The following PTPRN2 variants were observed in gnomAD, a reference collection of about 807,000 sequenced individuals.
The protein encoded by PTPRN2 is receptor-type tyrosine-protein phosphatase N2.
In PTPRN2, 74 loss-of-function variants were observed where a neutral mutation model predicts 118.8. That is an observed-to-expected ratio of 0.62 (90% CI 0.52 to 0.76). The LOEUF (loss-of-function observed/expected upper bound fraction) is 0.76. Among genes scored for constraint, PTPRN2 ranks in the 30% least tolerant of loss-of-function variants. The pLI is 0.00. For missense variants in PTPRN2, 1,481 were observed against 1,394.4 expected (o/e 1.06, Z -0.99); for synonymous variants, 641 against 608.0 (o/e 1.05, Z -0.80).
intron 11 of PTPRN2, among the ~76,000 whole-genome samples, chr7:157,917,505 G>GCATGTAATTATTACAGC (rs1798476218): frequency 6.6e-6 from 1 of 152,222 alleles, no homozygotes; most frequent in Non-Finnish European, 1.5e-5. Flanking sequence ...AGGGAGCATG[G>GCATGTAATTATTACAGC]CTGCGCAGTA....
intron 2 of PTPRN2, among the ~76,000 whole-genome samples, chr7:158,416,872 C>A (rs967090821): frequency 1.3e-5 from 2 of 152,200 alleles, no homozygotes; most frequent in African/African-American, 4.8e-5. Flanking sequence ...AGGCACTTCA[C>A]CACCACAAAA....
intron 2 of PTPRN2, among the ~76,000 whole-genome samples, chr7:158,446,858 C>T (rs1048708975): frequency 6.6e-6 from 1 of 152,216 alleles, no homozygotes; most frequent in Non-Finnish European, 1.5e-5. Flanking sequence ...GAACCCACCT[C>T]AAATCTGGCT....
At chr7:158,332,602 G>C (rs1417362719) in intron 2 of PTPRN2, among the ~76,000 whole-genome samples, 1 of 151,030 alleles carries the variant, frequency 6.6e-6, no homozygotes, top group Middle Eastern at 3.4e-3. Context: ...CTCACCATAA[G>C]AAGTGACACC....
intron 21 of PTPRN2, among the ~76,000 whole-genome samples, chr7:157,556,684 T>C (rs1329067706): frequency 7.3e-6 from 1 of 137,528 alleles, no homozygotes; most frequent in Non-Finnish European, 1.6e-5. Flanking sequence ...ACATGTCACA[T>C]ACACACATGC....
At chr7:158,367,916 C>A (rs1809661443) in intron 2 of PTPRN2, among the ~76,000 whole-genome samples, 1 of 152,174 alleles carries the variant, frequency 6.6e-6, no homozygotes, top group African/African-American at 2.4e-5. Context: ...GGGAATGGCT[C>A]ATCTGCTCCC....
chr7:158,563,392 T>C lies in PTPRN2; in HGVS notation c.112+24166A>G, dbSNP rs148500910. ...CAAAAGCATCACAAAATGCAAGTCT[T>C]ATTACTGCAGCAGTTTGCAAGTTGG... On this transcript the variant is annotated intron_variant, in intron 1 of 22. Transcript: ENST00000389418. This position sits in a 1 kb window ranked among gnomAD's most constrained non-coding sequence, Gnocchi z 5.1. Among the ~76,000 whole-genome samples, 18 of 152,306 alleles carry C rather than the reference T, an allele frequency of 1.2e-4. No homozygotes were observed. In the East Asian group the frequency reaches 3.3e-3, roughly 28 times the overall value.
chr7:158,080,302 C>A (rs1812696662), intron 11 of PTPRN2, among the ~76,000 whole-genome samples: 1 of 30,508 alleles, frequency 3.3e-5, no homozygotes, highest in Admixed American at 3.8e-4. Flanking sequence ...GAAAAAAAGA[C>A]ACAAATTTAA....
intron 2 of PTPRN2, among the ~76,000 whole-genome samples, chr7:158,377,311 T>C (rs564966404): frequency 6.6e-6 from 1 of 152,330 alleles, no homozygotes; most frequent in East Asian, 1.9e-4. Flanking sequence ...GATGCTCCTG[T>C]TTCATCATGA....
At position 158,097,646 on chromosome 7, in the gene PTPRN2, G is replaced by A. The variant is rs776698792; in HGVS notation, c.1643+13183C>T. Among the ~76,000 whole-genome samples, 17 of 152,262 alleles carry A rather than the reference G, an allele frequency of 1.1e-4. 1 individual carries two copies. The highest frequency in any genetic ancestry group is 8.3e-4 in the South Asian group (4 of 4,824). On this transcript the variant is annotated intron_variant, in intron 10 of 22. Transcript: ENST00000389418. ...GCACTGCCCACCTCCCCGAGATTCC[G>A]CGGAAGGCGGCCTGGCATCGATCAC...
At chr7:157,750,690 A>G (rs1801409119) in intron 12 of PTPRN2, among the ~76,000 whole-genome samples, 1 of 152,238 alleles carries the variant, frequency 6.6e-6, no homozygotes, top group Non-Finnish European at 1.5e-5. Flanking sequence ...TGAGGCTTTC[A>G]GTTGTCCTCT....
Position 158,135,376 on chromosome 7 carries a change from C to T in PTPRN2, c.1173+1279G>A, listed in dbSNP as rs111299880. On this transcript the variant is annotated intron_variant, in intron 8 of 22. Transcript: ENST00000389418. ...AATGACAATAGGATGTAGCCGTTGA[C>T]GTTACTAAACAGAGCTAGGAAAAAG... Among the ~76,000 whole-genome samples, 531 of 152,242 alleles carry T rather than the reference C, an allele frequency of 3.5e-3. 5 individuals carry two copies. The highest frequency in any genetic ancestry group is 0.012 in the African/African-American group (501 of 41,512).
At chr7:158,117,944 G>T (rs1426064119) in intron 9 of PTPRN2, among the ~76,000 whole-genome samples, 1 of 152,136 alleles carries the variant, frequency 6.6e-6, no homozygotes, top group African/African-American at 2.4e-5. Context: ...AGGATGAAAT[G>T]AAAGGACACT....
At chr7:157,553,505 T>C (rs1798736389) in intron 21 of PTPRN2, among the ~76,000 whole-genome samples, 1 of 152,186 alleles carries the variant, frequency 6.6e-6, no homozygotes, top group Non-Finnish European at 1.5e-5. Context: ...ATGTGATGGA[T>C]AAAGTCTCTC....
At chr7:158,475,307 C>T (rs13312003) in intron 2 of PTPRN2, among the ~76,000 whole-genome samples, 49,332 of 96,212 alleles carry the variant, frequency 0.51, 8,501 homozygotes, top group Middle Eastern at 0.57. Context: ...CTCCCCAGCT[C>T]CCCCTGTCTG....
intron 12 of PTPRN2, among the ~76,000 whole-genome samples, chr7:157,689,014 G>C (rs1459035747): frequency 6.6e-6 from 1 of 152,202 alleles, no homozygotes; most frequent in African/African-American, 2.4e-5. Flanking sequence ...GAGCGCGCCG[G>C]CCGCGAGGGA....
intron 11 of PTPRN2, among the ~76,000 whole-genome samples, chr7:158,040,955 A>T (rs1448233571): frequency 6.6e-6 from 1 of 151,372 alleles, no homozygotes; most frequent in Non-Finnish European, 1.5e-5. Context: ...CTGGTCTTGA[A>T]CTCCTGACCT....
chr7:158,248,695 T>C (rs915015567), intron 3 of PTPRN2, among the ~76,000 whole-genome samples: 5 of 140,528 alleles, frequency 3.6e-5, no homozygotes, highest in African/African-American at 1.4e-4. Context: ...ACCACACACG[T>C]GCACACACGC....
intron 3 of PTPRN2, among the ~76,000 whole-genome samples, chr7:158,275,611 A>T (rs1369330621): frequency 6.6e-6 from 1 of 152,242 alleles, no homozygotes; most frequent in African/African-American, 2.4e-5. Context: ...ACATTCTTTC[A>T]CCACCATTAA....
chr7:157,870,064 T>C (rs2151257815), intron 12 of PTPRN2, among the ~76,000 whole-genome samples: 1 of 152,310 alleles, frequency 6.6e-6, no homozygotes, highest in Middle Eastern at 3.4e-3. Context: ...TTCAAGGAAA[T>C]GCTTCAGGAT....
Sources: gnomAD v4.1 joint callset for allele counts (sites outside exome capture counted in the v4.1 genomes callset) on GRCh38, gnomAD v4.1.1 for gene constraint, Gnocchi (gnomAD v3.1) non-coding constraint, MANE v1.5 for transcripts, NCBI Gene and HGNC (gene_info 2026-07-23, HGNC 2026-07-21) for gene names.